COL19A1: variants seen among roughly 807,000 people sequenced by gnomAD.
COL19A1 encodes the protein collagen type XIX alpha 1 chain.
COL19A1 carries 159 observed loss-of-function variants against 190.2 expected under a neutral mutation model. The ratio of observed to expected loss-of-function variants is 0.84; its 90% CI spans 0.73 to 0.95. COL19A1 has a LOEUF of 0.95. Ranked by LOEUF, COL19A1 falls within the 40% of genes least tolerant of loss-of-function variation. The pLI is 0.00. For synonymous variants in COL19A1, 509 were observed against 458.9 expected (o/e 1.11, Z -1.39); for missense variants, 1,418 against 1,431.9 (o/e 0.99, Z 0.16).
chr6:69,923,011 A>C lies in COL19A1; in HGVS notation c.267-4898A>C, dbSNP rs187398364. On this transcript the variant is annotated intron_variant, in intron 4 of 50. Coordinates refer to ENST00000620364, the MANE Select transcript of COL19A1 (RefSeq NM_001858.6). Reference sequence around the variant, plus strand: ...ACTGCATGACTATCATCCTAAGTAGAAAATGAAGAGAAAAAATGTTTTTAT... The same window carrying C: ...ACTGCATGACTATCATCCTAAGTAGCAAATGAAGAGAAAAAATGTTTTTAT... Among the ~76,000 whole-genome samples the C allele has an allele frequency of 7.0e-3, 1,062 of 152,284 alleles. 44 individuals carry two copies. Among genetic ancestry groups the C allele is most frequent in the Admixed American group, 0.065 (987 of 15,264 alleles).
rs7762409 is a variant in COL19A1 at position 70,146,644 on chromosome 6, C to A, written c.1771-15C>A. ...TTCTAGAAGAAGATATGTATTCATACTTTTTTTCTTTTAGGGATTAGATGG... is the reference window on the plus strand; with the variant it reads ...TTCTAGAAGAAGATATGTATTCATAATTTTTTTCTTTTAGGGATTAGATGG... On this transcript the variant is annotated splice_polypyrimidine_tract_variant and intron_variant, in intron 25 of 50. Transcript: ENST00000620364. The A allele has an allele frequency of 6.3e-7, 1 of 1,594,618 alleles. No homozygotes were observed. The highest frequency in any genetic ancestry group is 2.2e-5 in the East Asian group (1 of 44,572).
intron 9 of COL19A1, among the ~76,000 whole-genome samples, chr6:69,948,520 T>G (rs1158040011): frequency 6.6e-6 from 1 of 151,808 alleles, no homozygotes. Context: ...AAGGACTAGA[T>G]GAAGCATTCA....
chr6:70,061,649 G>A (rs1244858063), intron 14 of COL19A1, among the ~76,000 whole-genome samples: 1 of 152,054 alleles, frequency 6.6e-6, no homozygotes, highest in Non-Finnish European at 1.5e-5. Flanking sequence ...TTGATTATAT[G>A]TGTCTCAGAA....
chr6:70,137,769 A>T (rs1382232247), intron 19 of COL19A1, 22 bp downstream of exon 19: 2 of 1,610,044 alleles, frequency 1.2e-6, no homozygotes, highest in Admixed American at 3.3e-5. Context: ...AGCTTTGAGG[A>T]CAGAGGAAGA....
intron 9 of COL19A1, among the ~76,000 whole-genome samples, chr6:69,946,928 A>G (rs1773855793): frequency 6.6e-6 from 1 of 151,866 alleles, no homozygotes; most frequent in Non-Finnish European, 1.5e-5. Context: ...TTGTACATAA[A>G]GTTTTACTGG....
At chr6:69,906,715 G>A (rs1334595524) in intron 4 of COL19A1, among the ~76,000 whole-genome samples, 3 of 152,088 alleles carry the variant, frequency 2.0e-5, no homozygotes, top group Admixed American at 6.6e-5. Flanking sequence ...CTAGTGAAAG[G>A]GAGTCTTCTT....
At chr6:70,165,549 G>A (rs1179142938) in intron 36 of COL19A1, among the ~76,000 whole-genome samples, 1 of 152,168 alleles carries the variant, frequency 6.6e-6, no homozygotes, top group Non-Finnish European at 1.5e-5. Context: ...GTAGAAATGA[G>A]GCTCAAAGTG....
At chr6:70,044,445 C>G (rs901321788) in intron 14 of COL19A1, among the ~76,000 whole-genome samples, 1 of 152,144 alleles carries the variant, frequency 6.6e-6, no homozygotes, top group Admixed American at 6.5e-5. Context: ...AGGGACCTAG[C>G]TTTTGGTGTA....
chr6:69,997,926 A>T (rs1777017606), intron 11 of COL19A1, among the ~76,000 whole-genome samples: 1 of 152,192 alleles, frequency 6.6e-6, no homozygotes, highest in South Asian at 2.1e-4. Context: ...GTTTAGACAC[A>T]TCATAATCAA....
At chr6:69,905,328 A>C (rs1770477161) in intron 4 of COL19A1, among the ~76,000 whole-genome samples, 1 of 152,120 alleles carries the variant, frequency 6.6e-6, no homozygotes, top group Non-Finnish European at 1.5e-5. Context: ...CAGCTTACAC[A>C]CACTAGGTCT....
intron 8 of COL19A1, 38 bp from the exon 9 acceptor site, chr6:69,938,000 C>T (rs781733258): frequency 4.3e-5 from 69 of 1,599,776 alleles, no homozygotes; most frequent in Non-Finnish European, 5.9e-5. Flanking sequence ...ATCAATGTGA[C>T]AGAATGTTTG....
chr6:69,999,142 C>G (rs1777097384), intron 11 of COL19A1, among the ~76,000 whole-genome samples: 1 of 151,818 alleles, frequency 6.6e-6, no homozygotes, highest in Admixed American at 6.6e-5. Context: ...TCAGGCTGGT[C>G]TCAAACACCT....
At chr6:70,171,379 T>C (rs1326816061) in intron 40 of COL19A1, among the ~76,000 whole-genome samples, 3 of 152,132 alleles carry the variant, frequency 2.0e-5, no homozygotes, top group African/African-American at 4.8e-5. Context: ...CTAGAAAATG[T>C]AAAGATTTTT....
intron 4 of COL19A1, among the ~76,000 whole-genome samples, chr6:69,904,750 C>G (rs1230525417): frequency 6.6e-6 from 1 of 152,228 alleles, no homozygotes; most frequent in Non-Finnish European, 1.5e-5. Flanking sequence ...CTGTTGCTAA[C>G]TCTTGTTCCA....
rs80289536 is a variant in COL19A1 at position 69,913,846 on chromosome 6, A to G, written c.266+13508A>G. Among the ~76,000 whole-genome samples, 941 of 152,182 alleles carry G rather than the reference A, an allele frequency of 6.2e-3. 4 individuals are homozygous for G. Among genetic ancestry groups the G allele is most frequent in the Non-Finnish European group, 9.6e-3 (655 of 68,008 alleles). The stretch of plus-strand genomic sequence containing the variant: ...ATTGGGAAAATCTCAGCTTTCAATT[A>G]GGTCTAGGACCTCCCAGGCTGATCC... On this transcript the variant is annotated intron_variant, in intron 4 of 50. Coordinates refer to ENST00000620364, the MANE Select transcript of COL19A1 (RefSeq NM_001858.6).
At chr6:69,977,107 T>A (rs185013176) in intron 11 of COL19A1, among the ~76,000 whole-genome samples, 1 of 152,288 alleles carries the variant, frequency 6.6e-6, no homozygotes, top group African/African-American at 2.4e-5. Flanking sequence ...TAAAGACACA[T>A]GCGCACGTAT....
At position 69,963,274 on chromosome 6, in the gene COL19A1, A is replaced by G. The variant is rs112990212; in HGVS notation, c.1026+404A>G. On this transcript the variant is annotated intron_variant, in intron 11 of 50. Transcript: ENST00000620364. ...GAGTAAATAAGAACAACTAACTGTA[A>G]AAGTCAGGATCCCACAGAAAAGACT... 2.2e-3 allele frequency among the ~76,000 whole-genome samples: 334 copies of G among 152,292 alleles called. 3 individuals carry two copies. The highest frequency in any genetic ancestry group is 7.7e-3 in the African/African-American group (320 of 41,564).
chr6:70,199,570 T>C (rs771791614), intron 48 of COL19A1, 38 bp from the exon 49 acceptor site: 6 of 1,345,656 alleles, frequency 4.5e-6, no homozygotes, highest in Non-Finnish European at 5.8e-6. Context: ...AAAATATTTC[T>C]GTTCTATGAT....
chr6:70,066,186 C>G (rs149466387), intron 14 of COL19A1, among the ~76,000 whole-genome samples: 1 of 152,054 alleles, frequency 6.6e-6, no homozygotes, highest in Admixed American at 6.5e-5. Context: ...ATAGCAAAGA[C>G]TTGGAACCAA....
Sources: gnomAD v4.1 joint callset for allele counts (sites outside exome capture counted in the v4.1 genomes callset) on GRCh38, gnomAD v4.1.1 for gene constraint, MANE v1.5 for transcripts, NCBI Gene and HGNC (gene_info 2026-07-23, HGNC 2026-07-21) for gene names.